Variants in UTP6 observed in about 807,000 individuals in gnomAD.
The protein encoded by UTP6 is UTP6 small subunit processome component.
UTP6 carries 60 observed loss-of-function variants against 96.5 expected under a neutral mutation model. The observed-to-expected ratio is 0.62, with a 90% confidence interval of 0.51 to 0.77. UTP6 has a LOEUF of 0.77. Among genes scored for constraint, UTP6 ranks in the 30% least tolerant of loss-of-function variants. UTP6 has a pLI of 0.00. For missense variants in UTP6, 637 were observed against 706.5 expected, an observed-to-expected ratio of 0.90 and a Z score of 1.12; for synonymous variants, 215 against 240.1, an observed-to-expected ratio of 0.90 and a Z score of 0.96.
At chr17:31,876,162 GA>G (rs1294740440) in intron 13 of UTP6, among the ~76,000 whole-genome samples, 1 of 151,632 alleles carries the variant, frequency 6.6e-6, no homozygotes, top group African/African-American at 2.4e-5. Flanking sequence ...TCAGCCTCCC[GA>G]GTAGCTGGGA....
chr17:31,893,883 T>C (rs1904478058), intron 4 of UTP6, among the ~76,000 whole-genome samples: 1 of 152,042 alleles, frequency 6.6e-6, no homozygotes, highest in Admixed American at 6.6e-5. Context: ...CCAAAAAAAC[T>C]TTGTTATCTA....
At chr17:31,880,264 C>CA (rs1384115202) in intron 11 of UTP6, 6 of 336,122 alleles carry the variant, frequency 1.8e-5, no homozygotes, top group Non-Finnish European at 3.5e-5. Context: ...TACTAAAATA[C>CA]AAAAAAATTA....
rs1449556412 is a variant in UTP6 at position 31,889,663 on chromosome 17, A to ATTT, written c.425-263_425-261dup. 9.2e-5 allele frequency among the ~76,000 whole-genome samples: 14 copies of ATTT among 151,406 alleles called. 1 individual carries two copies. The South Asian group carries it at 2.9e-3, about 32-fold the overall frequency. ...AGGCACCCGCCACCATGCCCGGCTA[A>ATTT]TTTTTTTTGTATTTTTAGTAGAGAC... On this transcript the variant is annotated intron_variant, in intron 6 of 18. Coordinates refer to ENST00000261708, the MANE Select transcript of UTP6 (RefSeq NM_018428.3).
intron 2 of UTP6, 80 bp from the exon 3 acceptor site, chr17:31,895,091 AT>A (rs1904558715): frequency 9.3e-7 from 1 of 1,077,434 alleles, no homozygotes; most frequent in African/African-American, 1.6e-5. Flanking sequence ...AGTTAAAGTC[AT>A]AAAACAAAAA....
At chr17:31,880,445 C>T in intron 11 of UTP6, 128 bp downstream of exon 11, 8 of 1,140,216 alleles carry the variant, frequency 7.0e-6, no homozygotes, top group Non-Finnish European at 9.9e-6. Flanking sequence ...AAAAAAAGGC[C>T]AGGCTCATCG....
chr17:31,873,636 TC>T, intron 15 of UTP6, 36 bp downstream of exon 15: 1 of 1,613,596 alleles, frequency 6.2e-7, no homozygotes, highest in Non-Finnish European at 8.5e-7. Context: ...CTTCTGCCAT[TC>T]CCCACACCAC....
chr17:31,871,828 G>A (rs1322508267), intron 16 of UTP6, among the ~76,000 whole-genome samples: 1 of 151,978 alleles, frequency 6.6e-6, no homozygotes, highest in Non-Finnish European at 1.5e-5. Context: ...GGAAGGCAGA[G>A]TTTGCAGTGA....
intron 16 of UTP6, among the ~76,000 whole-genome samples, chr17:31,869,125 TAA>T (rs1296554079): frequency 1.3e-5 from 2 of 151,930 alleles, no homozygotes; most frequent in Non-Finnish European, 2.9e-5. Context: ...AACAAAAACA[TAA>T]AGTTATACTG....
chr17:31,889,472 G>A (rs932723081), intron 6 of UTP6, 69 bp from the exon 7 acceptor site: 5 of 1,112,168 alleles, frequency 4.5e-6, no homozygotes, highest in Non-Finnish European at 6.4e-6. Flanking sequence ...AGAACCAAAT[G>A]ATCCAATTTT....
chr17:31,881,464 T>C (rs534087916), intron 10 of UTP6, among the ~76,000 whole-genome samples: 90 of 152,124 alleles, frequency 5.9e-4, no homozygotes, highest in African/African-American at 2.1e-3. Context: ...AGATGAGTTT[T>C]CACCATGTTG....
chr17:31,868,082 G>T lies in UTP6; in HGVS notation c.1527C>A (p.Asp509Glu). Residue 509 changes from aspartate to glutamate, a missense_variant, in exon 17 of 19, where the codon GAC becomes GAA. By Grantham distance (45) the Asp-to-Glu change is conservative (BLOSUM62 2). Transcript: ENST00000261708. ...SLQESRPFSV[D>E]FFRKMIQFEK... ...CAAACTGAATCATTTTCCTGAAAAA[G>T]TCAACTGAAAATGGTCGGCTCTCCT... is the stretch of plus-strand genomic sequence containing the variant. 6.2e-7 allele frequency: 1 copy of T among 1,613,462 alleles called. No individual in the cohort carries two copies. Among genetic ancestry groups the T allele is most frequent in the Non-Finnish European group, 8.5e-7 (1 of 1,179,630 alleles).
intron 8 of UTP6, among the ~76,000 whole-genome samples, chr17:31,886,293 C>G (rs1184512007): frequency 6.6e-6 from 1 of 152,164 alleles, no homozygotes; most frequent in Non-Finnish European, 1.5e-5. Flanking sequence ...TGGCTTAAGG[C>G]CTCACTCTCC....
intron 2 of UTP6, 146 bp from the exon 3 acceptor site, chr17:31,895,157 T>A: frequency 1.6e-6 from 1 of 609,282 alleles, no homozygotes; most frequent in Non-Finnish European, 2.7e-6. Context: ...AATAAATGTC[T>A]AGAACTCACT....
At chr17:31,900,252 C>T (rs1322451198) in intron 1 of UTP6, among the ~76,000 whole-genome samples, 1 of 152,160 alleles carries the variant, frequency 6.6e-6, no homozygotes, top group East Asian at 1.9e-4. Context: ...GACATTCCCA[C>T]CAGCAAAGCA....
intron 4 of UTP6, 65 bp downstream of exon 4, chr17:31,894,580 C>A: frequency 8.7e-7 from 1 of 1,144,870 alleles, no homozygotes; most frequent in South Asian, 1.4e-5. Context: ...ATTTGAATCC[C>A]TAATACAATA....
chr17:31,870,947 C>T (rs1306758066), intron 16 of UTP6, among the ~76,000 whole-genome samples: 2 of 151,038 alleles, frequency 1.3e-5, no homozygotes, highest in Non-Finnish European at 2.9e-5. Flanking sequence ...TCCCAAGTAG[C>T]TAAAATCACA....
chr17:31,897,441 G>GCCTT (rs1904717702), intron 2 of UTP6, among the ~76,000 whole-genome samples: 1 of 131,850 alleles, frequency 7.6e-6, no homozygotes, highest in Non-Finnish European at 1.6e-5. Flanking sequence ...AAAACTTCTA[G>GCCTT]TCTTTTTTTT....
At chr17:31,866,399 C>T (rs988791131) in intron 17 of UTP6, among the ~76,000 whole-genome samples, 17 of 151,644 alleles carry the variant, frequency 1.1e-4, no homozygotes, top group African/African-American at 4.1e-4. Context: ...TTGAGACCAG[C>T]CTGGCCAACG....
chr17:31,863,763 C>G (rs1388075788), intron 18 of UTP6, among the ~76,000 whole-genome samples: 4 of 151,948 alleles, frequency 2.6e-5, no homozygotes, highest in Admixed American at 2.0e-4. Context: ...AGTGTAGTAG[C>G]GGGAACATGG....
Sources: gnomAD v4.1 joint callset for allele counts (sites outside exome capture counted in the v4.1 genomes callset) on GRCh38, gnomAD v4.1.1 for gene constraint, MANE v1.5 for transcripts, NCBI Gene and HGNC (gene_info 2026-07-23, HGNC 2026-07-21) for gene names.